The following CACNA1C variants were observed in gnomAD, a reference collection of about 807,000 sequenced individuals.
The protein encoded by CACNA1C is voltage-dependent L-type calcium channel subunit alpha-1C.
CACNA1C carries 30 observed loss-of-function variants against 229.0 expected under a neutral mutation model. The observed-to-expected ratio is 0.13, with a 90% confidence interval of 0.10 to 0.18. CACNA1C has a LOEUF of 0.18. Ranked by LOEUF, CACNA1C falls within the 10% of genes least tolerant of loss-of-function variation. The pLI is 1.00. For synonymous variants in CACNA1C, 1,114 were observed against 1,132.5 expected, an observed-to-expected ratio of 0.98 and a Z score of 0.33; for missense variants, 1,658 against 2,845.0, an observed-to-expected ratio of 0.58 and a Z score of 9.49.
At position 2,692,563 on chromosome 12, in the gene CACNA1C, T is replaced by G. The variant is rs1490128136; in HGVS notation, c.*1364T>G. ...TCTCTGCTTCTGAAACGGGAATCAG[T>G]AACTCTTTGCATTTTCTGTCCCACA... On this transcript the variant is annotated 3_prime_UTR_variant, in exon 47 of 47. Transcript: ENST00000399655. 6.6e-6 allele frequency: 1 copy of G among 152,650 alleles called. No homozygotes were observed. Among genetic ancestry groups the G allele is most frequent in the Non-Finnish European group, 1.5e-5 (1 of 68,048 alleles). The allele number at this position is 152,650 out of a possible 1,614,324, so 9.5% of individuals were successfully genotyped here. A position where few individuals can be genotyped will look rare whatever the true frequency, so the allele number is the denominator to read the frequency against.
At chr12:2,415,819 C>G (rs2098885698) in intron 3 of CACNA1C, among the ~76,000 whole-genome samples, 1 of 147,954 alleles carries the variant, frequency 6.8e-6, no homozygotes, top group Non-Finnish European at 1.5e-5. Context: ...CTCTCTTTGC[C>G]TACCTTTCTC....
intron 3 of CACNA1C, among the ~76,000 whole-genome samples, chr12:2,178,202 A>G (rs1160196217): frequency 6.6e-6 from 1 of 152,210 alleles, no homozygotes; most frequent in Non-Finnish European, 1.5e-5. Flanking sequence ...ATTATTTCAA[A>G]TGGGTATCCG....
chr12:2,142,279 C>T lies in CACNA1C; in HGVS notation c.477+21849C>T, dbSNP rs118025573. On this transcript the variant is annotated intron_variant, in intron 3 of 46. Transcript: ENST00000399655. ...CGATGGTAGTCCCATAAAACTATCA[C>T]GGAGCCGAAACCTCCCTATCTTTCT... Among the ~76,000 whole-genome samples the T allele has an allele frequency of 5.8e-3, 879 of 151,216 alleles. 43 individuals are homozygous for T. The highest frequency in any genetic ancestry group is 9.0e-3 in the Non-Finnish European group (605 of 67,530).
chr12:2,105,561 G>A (rs368697778), intron 1 of CACNA1C, among the ~76,000 whole-genome samples: 1 of 151,176 alleles, frequency 6.6e-6, no homozygotes, highest in African/African-American at 2.4e-5. Flanking sequence ...GGGCGCATCG[G>A]GAAACCACTG....
chr12:2,634,115 G>A (rs1050630157), intron 29 of CACNA1C, among the ~76,000 whole-genome samples, 182 bp from the exon 30 acceptor site: 1 of 152,008 alleles, frequency 6.6e-6, no homozygotes, highest in African/African-American at 2.4e-5. Flanking sequence ...GAACTGTAGA[G>A]TGGTAAGAGA....
chr12:2,203,095 G>A (rs530411598), intron 3 of CACNA1C, among the ~76,000 whole-genome samples: 6 of 152,306 alleles, frequency 3.9e-5, no homozygotes, highest in African/African-American at 1.4e-4. Flanking sequence ...TGCTGGGGGT[G>A]TAGCCATGCA....
intron 3 of CACNA1C, among the ~76,000 whole-genome samples, chr12:2,224,570 T>TG (rs1426816109): frequency 6.6e-6 from 1 of 152,120 alleles, no homozygotes; most frequent in Admixed American, 6.6e-5. Flanking sequence ...AAGGGAAGAA[T>TG]GGGGTGGTGG....
intron 3 of CACNA1C, among the ~76,000 whole-genome samples, chr12:2,247,831 A>G (rs1316417016): frequency 6.6e-6 from 1 of 151,990 alleles, no homozygotes; most frequent in Non-Finnish European, 1.5e-5. Context: ...TTTATTCTCC[A>G]AGGGAGGGGA....
At position 2,504,302 on chromosome 12, in the gene CACNA1C, G is replaced by T; in HGVS notation, c.1114-540G>T. 1.6e-6 allele frequency: 1 copy of T among 633,098 alleles called. No homozygotes were observed. The highest frequency in any genetic ancestry group is 2.9e-6 in the Non-Finnish European group (1 of 346,950). 39.2% of individuals were successfully genotyped at this position (633,098 alleles called of 1,614,324 possible). The stretch of plus-strand genomic sequence containing the variant: ...ATGGGCGATGCCCTGGGTAACACGG[G>T]TAACCTGGTGCACATGAACAAAGCC... On this transcript the variant is annotated intron_variant, in intron 7 of 46. Transcript: ENST00000399655. The surrounding 1 kb of genome is among the most constrained non-coding windows in gnomAD (Gnocchi z 6.8).
intron 1 of CACNA1C, among the ~76,000 whole-genome samples, chr12:2,058,496 G>A (rs1186207316): frequency 6.6e-6 from 1 of 152,134 alleles, no homozygotes. Flanking sequence ...CTAGGTTAAT[G>A]TTGGGCACTG....
At chr12:2,356,453 C>T (rs1324670587) in intron 3 of CACNA1C, among the ~76,000 whole-genome samples, 1 of 152,244 alleles carries the variant, frequency 6.6e-6, no homozygotes, top group Non-Finnish European at 1.5e-5. Flanking sequence ...CACATTGGAA[C>T]CCACAGAGAA....
intron 1 of CACNA1C, among the ~76,000 whole-genome samples, chr12:1,973,400 T>C (rs868850976): frequency 7.2e-5 from 11 of 152,298 alleles, no homozygotes; most frequent in African/African-American, 2.2e-4. Context: ...GTTAATGCCA[T>C]TAAAAACAAA....
chr12:2,372,517 A>AT (rs1439955915), intron 3 of CACNA1C, among the ~76,000 whole-genome samples: 2 of 152,218 alleles, frequency 1.3e-5, no homozygotes, highest in Admixed American at 1.3e-4. Flanking sequence ...AGATGGACAC[A>AT]TGTAGTACTG....
intron 29 of CACNA1C, among the ~76,000 whole-genome samples, chr12:2,627,173 T>G (rs1268199170): frequency 6.6e-6 from 1 of 152,146 alleles, no homozygotes; most frequent in Non-Finnish European, 1.5e-5. Flanking sequence ...GGGGTGCTTC[T>G]GAATTAACAC....
intron 3 of CACNA1C, among the ~76,000 whole-genome samples, chr12:2,173,024 C>A (rs564854965): frequency 2.6e-5 from 4 of 152,130 alleles, no homozygotes; most frequent in Non-Finnish European, 5.9e-5. Flanking sequence ...CAGGAGAGAG[C>A]AGGGCTTACT....
intron 5 of CACNA1C, among the ~76,000 whole-genome samples, chr12:2,473,489 A>T (rs2099603798): frequency 6.6e-6 from 1 of 152,224 alleles, no homozygotes; most frequent in East Asian, 1.9e-4. Flanking sequence ...ATTTTACTTT[A>T]TATGTCACAC....
rs558330148 is a variant in CACNA1C at position 2,034,542 on chromosome 12, G to A, written c.139+63341G>A. ...CTGTGGTGGGTATTTAATACTAAGA[G>A]TCCCTCTTAATACTTTCTGTTTTAT... On this transcript the variant is annotated intron_variant, in intron 1 of 46. Coordinates refer to the CACNA1C transcript ENST00000682462. The surrounding 1 kb of genome is among the most constrained non-coding windows in gnomAD (Gnocchi z 4.1). Among the ~76,000 whole-genome samples, 2 of 152,180 alleles carry A rather than the reference G, an allele frequency of 1.3e-5. No individual in the cohort carries two copies. The highest frequency in any genetic ancestry group is 6.5e-5 in the Admixed American group (1 of 15,284).
intron 12 of CACNA1C, 115 bp from the exon 13 acceptor site, chr12:2,567,454 G>T (rs2051779589): frequency 1.5e-6 from 1 of 654,992 alleles, no homozygotes; most frequent in Non-Finnish European, 2.6e-6. Context: ...GGATGGGAGA[G>T]GTGTCATGGG....
At chr12:2,599,344 G>T (rs537770893) in intron 21 of CACNA1C, among the ~76,000 whole-genome samples, 1 of 152,296 alleles carries the variant, frequency 6.6e-6, no homozygotes, top group East Asian at 1.9e-4. Context: ...AGATGACCGT[G>T]GCTGTCCAAG....
Sources: gnomAD v4.1 joint callset for allele counts (sites outside exome capture counted in the v4.1 genomes callset) on GRCh38, gnomAD v4.1.1 for gene constraint, Gnocchi (gnomAD v3.1) non-coding constraint, MANE v1.5 for transcripts, NCBI Gene and HGNC (gene_info 2026-07-23, HGNC 2026-07-21) for gene names.